UBR4: variants seen among roughly 807,000 people sequenced by gnomAD.
UBR4 encodes ubiquitin protein ligase E3 component n-recognin 4.
UBR4 carries 124 observed loss-of-function variants against 575.6 expected under a neutral mutation model. That is an observed-to-expected ratio of 0.22 (90% CI 0.19 to 0.25). The LOEUF (loss-of-function observed/expected upper bound fraction) is 0.25, where lower values mean the gene tolerates loss of function less well. UBR4 is among the 10% of genes least tolerant of loss of function. The pLI is 1.00. For synonymous variants in UBR4, 2,455 were observed against 2,473.7 expected (o/e 0.99, Z 0.22); for missense variants, 4,818 against 6,478.8 (o/e 0.74, Z 8.80).
At chr1:19,161,959 A>C in intron 35 of UBR4, 62 bp from the exon 36 acceptor site, 1 of 1,586,802 alleles carries the variant, frequency 6.3e-7, no homozygotes, top group Non-Finnish European at 8.6e-7. Context: ...ACCCACAAAA[A>C]CACATGTGCC....
intron 91 of UBR4, among the ~76,000 whole-genome samples, chr1:19,096,912 T>C (rs1490304679): frequency 2.6e-5 from 4 of 151,834 alleles, no homozygotes; most frequent in Non-Finnish European, 4.4e-5. Context: ...ATCAATGGAG[T>C]GGGGGGAGAG....
chr1:19,208,466 CAAAAAAAAAAA>C (rs71030137), intron 1 of UBR4, among the ~76,000 whole-genome samples: 6 of 76,904 alleles, frequency 7.8e-5, no homozygotes, highest in East Asian at 5.3e-4. Flanking sequence ...GAATCCATCT[CAAAAAAAAAAA>C]AAAAAAAAAA....
chr1:19,086,689 C>A lies in UBR4; in HGVS notation c.14677G>T (p.Ala4893Ser). 6.2e-7 allele frequency: 1 copy of A among 1,614,012 alleles called. No homozygotes were observed. Among genetic ancestry groups the A allele is most frequent in the Non-Finnish European group, 8.5e-7 (1 of 1,179,978 alleles). ...AGAGCCAGGGCCTACCTGACGGCAG[C>A]CAGATGGCAGTCGTAGTGCACAATG... ...FNIVHYDCHLAAVRLARGREE... is the reference protein window; with the variant it reads ...FNIVHYDCHLSAVRLARGREE... Residue 4893 changes from alanine to serine, a missense_variant, in exon 100 of 106, where the codon GCT becomes TCT. Ala to Ser is a moderately conservative substitution (Grantham distance 99, BLOSUM62 1). Around this residue, in one of 29 missense-constraint regions of UBR4, gnomAD observed 196 missense variants for 386.8 expected, o/e 0.51. Coordinates refer to ENST00000375254, the MANE Select transcript of UBR4 (RefSeq NM_020765.3).
In UBR4 at chr1:19,155,673, AG is replaced by A; in HGVS notation, c.6073-6del. On this transcript the variant is annotated splice_region_variant and splice_polypyrimidine_tract_variant and intron_variant, in intron 42 of 105. Coordinates refer to ENST00000375254, the MANE Select transcript of UBR4 (RefSeq NM_020765.3). Reference sequence around the variant, plus strand: ...ATCAACACACAGGTCATAAATCTGCAGGATGGAAGAAAAATTAAATAAGGGA... The same window carrying A: ...ATCAACACACAGGTCATAAATCTGCAGATGGAAGAAAAATTAAATAAGGGA... 3 of 1,609,898 alleles carry A rather than the reference AG, an allele frequency of 1.9e-6. No individual in the cohort carries two copies. Among genetic ancestry groups the A allele is most frequent in the Non-Finnish European group, 1.7e-6 (2 of 1,176,338 alleles).
At chr1:19,118,647 C>T (rs560395652) in intron 71 of UBR4, 591 of 562,810 alleles carry the variant, frequency 1.1e-3, no homozygotes, top group African/African-American at 9.5e-3. Flanking sequence ...CTATACAGAC[C>T]TTTCTACATT....
In UBR4 at chr1:19,161,053, C is replaced by T. The variant is rs754500177; in HGVS notation, c.5270G>A (p.Arg1757His). Residue 1757 changes from arginine (R) to histidine (H), a missense_variant, in exon 38 of 106, where the codon CGT becomes CAT. By Grantham distance (29) the Arg-to-His change is conservative. Around this residue, in one of 29 missense-constraint regions of UBR4, gnomAD observed 159 missense variants for 174.6 expected, o/e 0.91. Coordinates refer to ENST00000375254, the MANE Select transcript of UBR4 (RefSeq NM_020765.3). ...SEPRISESLV[R>H]HASTSSPADK... ...AGCTGGCGAGGAGGTGCTGGCATGA[C>T]GCACTAGACTCTCTGAAATCCTGGG... The T allele has an allele frequency of 7.4e-6, 12 of 1,614,012 alleles. No individual in the cohort carries two copies. Among genetic ancestry groups the T allele is most frequent in the African/African-American group, 4.0e-5 (3 of 74,910 alleles).
intron 60 of UBR4, among the ~76,000 whole-genome samples, chr1:19,136,058 C>CG (rs1416547664): frequency 3.3e-5 from 5 of 151,988 alleles, no homozygotes; most frequent in Non-Finnish European, 7.4e-5. Flanking sequence ...CTGGGGAGGT[C>CG]GGGGGTGCTG....
At chr1:19,113,617 G>T in intron 77 of UBR4, 82 bp downstream of exon 77, 1 of 1,573,138 alleles carries the variant, frequency 6.4e-7, no homozygotes, top group Non-Finnish European at 8.6e-7. Flanking sequence ...ACTGCTAGAT[G>T]AGAGAGCAGC....
chr1:19,086,766 A>G lies in UBR4; in HGVS notation c.14600T>C (p.Met4867Thr). The G allele has an allele frequency of 6.2e-7, 1 of 1,614,212 alleles. No homozygotes were observed. Among genetic ancestry groups the G allele is most frequent in the African/African-American group, 1.3e-5 (1 of 75,064 alleles). The change falls in exon 100 of 106, where the codon ATG becomes ACG. Residue 4867 changes from methionine to threonine, a missense_variant. Coordinates refer to ENST00000375254, the MANE Select transcript of UBR4 (RefSeq NM_020765.3). ...CTGCTGTTTCCGGGGCTTATTCTCC[A>G]TCTCCTCCAAGGCTACCCGCTTCGT... ...TFTKRVALEE[M>T]ENKPRKQQGY... is the part of the protein sequence containing the mutation.
chr1:19,117,710 C>A lies in UBR4; in HGVS notation c.10629+113G>T, dbSNP rs998611848. The A allele has an allele frequency of 1.2e-5, 13 of 1,105,690 alleles. No individual in the cohort carries two copies. The African/African-American group carries it at 1.7e-4, about 15-fold the overall frequency. 68.5% of individuals were successfully genotyped at this position (1,105,690 alleles called of 1,614,324 possible). A position where few individuals can be genotyped will look rare whatever the true frequency, so the allele number is the denominator to read the frequency against. ...TGTGGCAGATAAAAATTCCTACTAT[C>A]GGTGACCAACCATTAGGAGAGGAAC... On this transcript the variant is annotated intron_variant, in intron 72 of 105. Transcript: ENST00000375254. This position sits in a 1 kb window ranked among gnomAD's most constrained non-coding sequence, Gnocchi z 4.0.
chr1:19,123,727 G>C (rs1301764043), intron 65 of UBR4, among the ~76,000 whole-genome samples: 6 of 152,166 alleles, frequency 3.9e-5, no homozygotes. Flanking sequence ...AAGAGCTAAA[G>C]AGAAGATTGG....
chr1:19,134,076 ACT>A (rs1208223654), intron 60 of UBR4, among the ~76,000 whole-genome samples: 1 of 120,994 alleles, frequency 8.3e-6, no homozygotes. Flanking sequence ...AGAGAGTGAG[ACT>A]CTGTCTCTAA....
intron 60 of UBR4, among the ~76,000 whole-genome samples, chr1:19,131,802 G>A (rs533845598): frequency 1.2e-4 from 19 of 152,304 alleles, no homozygotes; most frequent in African/African-American, 4.1e-4. Flanking sequence ...GAACCCGGGC[G>A]GCAGAGGTTG....
intron 8 of UBR4, among the ~76,000 whole-genome samples, chr1:19,195,516 T>C (rs2092398422): frequency 6.6e-6 from 1 of 152,060 alleles, no homozygotes; most frequent in Non-Finnish European, 1.5e-5. Flanking sequence ...ACTGAGTACA[T>C]TGAGATCCAT....
At chr1:19,124,849 C>T (rs530075543) in intron 64 of UBR4, among the ~76,000 whole-genome samples, 159 bp from the exon 65 acceptor site, 19 of 152,098 alleles carry the variant, frequency 1.2e-4, no homozygotes, top group African/African-American at 4.6e-4. Context: ...TTCTATAAAC[C>T]CAGAAGGCCC....
Position 19,187,499 on chromosome 1 carries a change from T to A in UBR4, c.1436A>T (p.His479Leu), listed in dbSNP as rs778998133. The A allele has an allele frequency of 1.2e-6, 2 of 1,613,882 alleles. No homozygotes were observed. The highest frequency in any genetic ancestry group is 1.7e-6 in the Non-Finnish European group (2 of 1,180,008). Residue 479 changes from histidine (H) to leucine (L), a missense_variant, in exon 12 of 106, where the codon CAT becomes CTT. By Grantham distance (99) the His-to-Leu change is moderately conservative. Coordinates refer to ENST00000375254, the MANE Select transcript of UBR4 (RefSeq NM_020765.3). ...GAGAGACGTTAGCAGTTTGATGGCA[T>A]GGTTTGCCAATATTACTGAGAGTAC... ...FGVLSVILANHAIKLLTSLFQ... is the reference protein window; with the variant it reads ...FGVLSVILANLAIKLLTSLFQ...
chr1:19,157,015 C>A lies in UBR4; in HGVS notation c.5761-90G>T. On this transcript the variant is annotated intron_variant, in intron 40 of 105. Transcript: ENST00000375254. The surrounding 1 kb of genome is among the most constrained non-coding windows in gnomAD (Gnocchi z 4.4). Reference sequence around the variant, plus strand: ...ACAAAAACTCTTTCAATAGGGATAACAGGTTGCACACTTTTTTCTTTACAG... The same window carrying A: ...ACAAAAACTCTTTCAATAGGGATAAAAGGTTGCACACTTTTTTCTTTACAG... 7.0e-7 allele frequency: 1 copy of A among 1,421,766 alleles called. No individual in the cohort carries two copies. Among genetic ancestry groups the A allele is most frequent in the South Asian group, 1.4e-5 (1 of 71,530 alleles). 88.1% of individuals were successfully genotyped at this position (1,421,766 alleles called of 1,614,324 possible). A position where few individuals can be genotyped will look rare whatever the true frequency, so the allele number is the denominator to read the frequency against.
chr1:19,145,587 G>A (rs1340434048), intron 53 of UBR4, among the ~76,000 whole-genome samples: 4 of 150,154 alleles, frequency 2.7e-5, no homozygotes, highest in African/African-American at 9.8e-5. Context: ...AAAAGATATG[G>A]TAGAAGAAAA....
Position 19,117,373 on chromosome 1 carries a change from G to A in UBR4, c.10671C>T (p.Thr3557=), listed in dbSNP as rs532333826. 21 of 1,614,118 alleles carry A rather than the reference G, an allele frequency of 1.3e-5. No individual in the cohort carries two copies. In the South Asian group the frequency reaches 1.9e-4, roughly 14 times the overall value. ...TGAGCTTCACAACCTGCTGGGTGGT[G>A]GTGTACCGCGTGTCCACTTTAATGG... The part of the protein sequence containing the change: ...LSSIKVDTRY[T]TTQQVVKLIG... The change falls in exon 73 of 106, where the codon ACC becomes ACT. Residue 3557 remains threonine, a synonymous_variant. Transcript: ENST00000375254. The surrounding 1 kb of genome is among the most constrained non-coding windows in gnomAD (Gnocchi z 4.0).
Sources: gnomAD v4.1 joint callset for allele counts (sites outside exome capture counted in the v4.1 genomes callset) on GRCh38, gnomAD v4.1.1 for gene constraint, gnomAD v4.1.1 regional missense constraint, Gnocchi (gnomAD v3.1) non-coding constraint, MANE v1.5 for transcripts, NCBI Gene and HGNC (gene_info 2026-07-23, HGNC 2026-07-21) for gene names.